NRXN1: variants seen among roughly 807,000 people sequenced by gnomAD.
NRXN1 encodes neurexin 1, also known as neurexin-1.
A neutral mutation model predicts 150.9 loss-of-function variants in NRXN1; 39 were observed. That is an observed-to-expected ratio of 0.26 (90% CI 0.20 to 0.34). NRXN1 has a LOEUF of 0.34. NRXN1 is among the 10% of genes least tolerant of loss of function. The probability of loss-of-function intolerance (pLI) is 1.00; values close to 1 mark genes in which losing one functional copy is unlikely to be tolerated. For missense variants in NRXN1, 1,815 were observed against 1,949.9 expected, an observed-to-expected ratio of 0.93 and a Z score of 1.30; for synonymous variants, 924 against 757.0, an observed-to-expected ratio of 1.22 and a Z score of -3.62.
intron 21 of NRXN1, among the ~76,000 whole-genome samples, chr2:49,948,457 T>C (rs571457924): frequency 7.2e-5 from 11 of 152,180 alleles, no homozygotes; most frequent in Non-Finnish European, 1.6e-4. Flanking sequence ...TTCCCTGGTA[T>C]AATGAAATAC....
At chr2:50,578,272 T>C (rs568034921) in intron 8 of NRXN1, among the ~76,000 whole-genome samples, 1 of 152,314 alleles carries the variant, frequency 6.6e-6, no homozygotes, top group African/African-American at 2.4e-5. Flanking sequence ...AGCAAGAGCA[T>C]AGTGTCTTGG....
chr2:50,249,988 C>A (rs755394911), intron 17 of NRXN1, among the ~76,000 whole-genome samples: 1 of 152,006 alleles, frequency 6.6e-6, no homozygotes, highest in South Asian at 2.1e-4. Context: ...TAATACCATC[C>A]GCATCAAGTT....
chr2:50,357,984 A>G (rs1572666498), intron 17 of NRXN1, among the ~76,000 whole-genome samples: 1 of 151,834 alleles, frequency 6.6e-6, no homozygotes, highest in South Asian at 2.1e-4. Context: ...GAGATGGGGA[A>G]CTCCCTCTCC....
intron 5 of NRXN1, among the ~76,000 whole-genome samples, chr2:50,809,057 T>C (rs1667879277): frequency 6.6e-6 from 1 of 152,234 alleles, no homozygotes; most frequent in Admixed American, 6.5e-5. Flanking sequence ...AAAATATTCA[T>C]GGGATTTATA....
chr2:50,094,189 A>G (rs1434629553), intron 18 of NRXN1, among the ~76,000 whole-genome samples: 1 of 152,220 alleles, frequency 6.6e-6, no homozygotes. Flanking sequence ...TGATAACATA[A>G]TAAGTCAAAA....
chr2:50,856,450 CTTGTTTTTTTCA>C (rs1675284892), intron 5 of NRXN1, among the ~76,000 whole-genome samples: 2 of 152,110 alleles, frequency 1.3e-5, no homozygotes, highest in Admixed American at 1.3e-4. Flanking sequence ...TTTCAACTTA[CTTGTTTTTTTCA>C]TTTAGTGTAT....
intron 5 of NRXN1, among the ~76,000 whole-genome samples, chr2:50,633,859 G>A (rs1682795584): frequency 6.6e-6 from 1 of 152,116 alleles, no homozygotes; most frequent in South Asian, 2.1e-4. Context: ...ATGTGAAACT[G>A]AGCAAGCAAA....
At position 50,361,882 on chromosome 2, in the gene NRXN1, A is replaced by T. The variant is rs989762815; in HGVS notation, c.3364+103560T>A. On this transcript the variant is annotated intron_variant, in intron 17 of 22. Coordinates refer to ENST00000401669, the MANE Select transcript of NRXN1 (RefSeq NM_001330078.2). ...ACTGGCAAACTGAATCCAGCAGCAC[A>T]TCAAAAAGCTTATCCACCACGATCA... is the stretch of plus-strand genomic sequence containing the variant. 7.2e-5 allele frequency among the ~76,000 whole-genome samples: 11 copies of T among 152,326 alleles called. No homozygotes were observed. In the East Asian group the frequency reaches 2.1e-3, roughly 29 times the overall value.
intron 18 of NRXN1, among the ~76,000 whole-genome samples, chr2:50,203,596 T>G (rs928938476): frequency 3.9e-5 from 6 of 152,138 alleles, no homozygotes; most frequent in African/African-American, 1.2e-4. Flanking sequence ...CTAGACATCA[T>G]GAAGATTCCA....
chr2:49,989,379 T>G (rs1681517991), intron 21 of NRXN1, among the ~76,000 whole-genome samples: 1 of 152,158 alleles, frequency 6.6e-6, no homozygotes, highest in South Asian at 2.1e-4. Context: ...GCAGATGCAG[T>G]AGTAGCAAAT....
chr2:50,495,031 CAAA>C (rs557134128), intron 15 of NRXN1, among the ~76,000 whole-genome samples: 13 of 80,316 alleles, frequency 1.6e-4, no homozygotes, highest in Admixed American at 1.4e-4. Context: ...ACTCTGTCTC[CAAA>C]AAAAAAAAAA....
In NRXN1 at chr2:51,027,739, G is replaced by T. The variant is rs1670777787; in HGVS notation, c.535C>A (p.Pro179Thr). ...ACGTCACGAATCCACCCCTTGAAGG[G>T]CTCCCGCTCCCTCACCGAGGCCAGG... Reference protein sequence around the residue: ...LTLASVREREPFKGWIRDVRV... With the variant: ...LTLASVRERETFKGWIRDVRV... Residue 179 changes from proline to threonine, a missense_variant, in exon 2 of 23, where the codon CCC becomes ACC. Around this residue, in one of 6 missense-constraint regions of NRXN1, gnomAD observed 554 missense variants for 478.8 expected, o/e 1.16. Coordinates refer to ENST00000401669, the MANE Select transcript of NRXN1 (RefSeq NM_001330078.2). 1.9e-6 allele frequency: 3 copies of T among 1,611,592 alleles called. No individual in the cohort carries two copies. In the East Asian group the frequency reaches 6.7e-5, roughly 36 times the overall value.
intron 12 of NRXN1, among the ~76,000 whole-genome samples, chr2:50,514,880 A>T (rs2092579787): frequency 6.6e-6 from 1 of 152,210 alleles, no homozygotes; most frequent in African/African-American, 2.4e-5. Context: ...ATTGCCACTA[A>T]CTGTAACATA....
intron 2 of NRXN1, among the ~76,000 whole-genome samples, chr2:50,988,693 T>C (rs1046592225): frequency 3.3e-5 from 5 of 151,948 alleles, no homozygotes; most frequent in African/African-American, 4.8e-5. Flanking sequence ...AGATAACTCA[T>C]TGATATAGCA....
chr2:50,044,072 C>T (rs9309174), intron 21 of NRXN1, among the ~76,000 whole-genome samples: 95,180 of 151,936 alleles, frequency 0.63, 30,093 homozygotes, highest in Middle Eastern at 0.67. Context: ...AGATGCTATG[C>T]CATGAGCTTT....
chr2:50,212,771 C>T (rs371540632), intron 18 of NRXN1, among the ~76,000 whole-genome samples: 1 of 151,768 alleles, frequency 6.6e-6, no homozygotes, highest in South Asian at 2.1e-4. Flanking sequence ...ACACACAGCC[C>T]CTTTAACCTT....
At chr2:50,191,467 T>C (rs1454062271) in intron 18 of NRXN1, among the ~76,000 whole-genome samples, 3 of 152,202 alleles carry the variant, frequency 2.0e-5, no homozygotes, top group Non-Finnish European at 4.4e-5. Context: ...TGTATAGTTA[T>C]AGGTAGTTTT....
intron 8 of NRXN1, among the ~76,000 whole-genome samples, chr2:50,559,084 A>AAAATAAAT (rs61143105): frequency 1.1e-4 from 17 of 151,876 alleles, no homozygotes; most frequent in African/African-American, 3.6e-4. Flanking sequence ...TCCGTCTCAA[A>AAAATAAAT]AAATAAATAA....
chr2:50,730,672 C>CTTT (rs56042523), intron 5 of NRXN1, among the ~76,000 whole-genome samples: 19,713 of 121,834 alleles, frequency 0.16, 2,399 homozygotes, highest in Non-Finnish European at 0.23. Context: ...TTCTTGTTTT[C>CTTT]TTTTTTTTTT....
Sources: gnomAD v4.1 joint callset for allele counts (sites outside exome capture counted in the v4.1 genomes callset) on GRCh38, gnomAD v4.1.1 for gene constraint, gnomAD v4.1.1 regional missense constraint, MANE v1.5 for transcripts, NCBI Gene and HGNC (gene_info 2026-07-23, HGNC 2026-07-21) for gene names.